APOOL: variants seen among roughly 807,000 people sequenced by gnomAD.
The protein encoded by APOOL is apolipoprotein O like.
In APOOL, 12 loss-of-function variants were observed where a neutral mutation model predicts 23.1. That is an observed-to-expected ratio of 0.52 (90% CI 0.33 to 0.84). The LOEUF is 0.84. APOOL is among the 40% of genes least tolerant of loss of function. The pLI, the probability that APOOL is intolerant of heterozygous loss-of-function variation, is 0.02. For missense variants in APOOL, 212 were observed against 199.6 expected, an observed-to-expected ratio of 1.06 and a Z score of -0.37; for synonymous variants, 77 against 69.9, an observed-to-expected ratio of 1.10 and a Z score of -0.51.
intron 8 of APOOL, among the ~76,000 whole-genome samples, chrX:85,087,115 A>G (rs1230652308): frequency 9.0e-6 from 1 of 110,684 alleles, no homozygotes; most frequent in Non-Finnish European, 1.9e-5. Flanking sequence ...CTAGCTTTCC[A>G]TTGTCTTTTT....
chrX:85,066,405 A>G (rs1159766576), intron 5 of APOOL, among the ~76,000 whole-genome samples: 1 of 111,503 alleles, frequency 9.0e-6, no homozygotes, highest in Non-Finnish European at 1.9e-5. Context: ...AGGGTTTGAT[A>G]CAGAGCTTCC....
rs1470816133 is a variant in APOOL, at chrX:85,090,247, G to C, written c.*2569G>C. ...ATGCTTTCTTAGAATCTCCTCAGAA[G>C]ACCTCTGTGTATATCTCAACCAGTA... On this transcript the variant is annotated 3_prime_UTR_variant, in exon 9 of 9. Coordinates refer to ENST00000373173, the MANE Select transcript of APOOL (RefSeq NM_198450.6). The C allele has an allele frequency of 4.5e-5, 5 of 111,519 alleles. No homozygotes were observed. The highest frequency in any genetic ancestry group is 9.4e-5 in the Non-Finnish European group (5 of 53,145). 9.2% of individuals were successfully genotyped at this position (111,519 alleles called of 1,213,427 possible).
chrX:85,061,753 C>G (rs1349882575), intron 5 of APOOL, among the ~76,000 whole-genome samples: 3 of 111,538 alleles, frequency 2.7e-5, no homozygotes, highest in Non-Finnish European at 3.8e-5. Flanking sequence ...TTTATTGTGT[C>G]TATTTGATTC....
At chrX:85,054,561 T>G (rs907244367) in intron 4 of APOOL, among the ~76,000 whole-genome samples, 163 bp downstream of exon 4, 14 of 111,479 alleles carry the variant, frequency 1.3e-4, no homozygotes, top group African/African-American at 4.2e-4. Context: ...ATTTGTTGAT[T>G]ATTGATTAAT....
chrX:85,067,055 CA>C (rs1475816295), intron 5 of APOOL, 71 bp from the exon 6 acceptor site: 1 of 653,891 alleles, frequency 1.5e-6, no homozygotes, highest in Non-Finnish European at 2.3e-6. Context: ...GCAAAGAAAG[CA>C]TTACGGTATA....
chrX:85,038,524 GTTTTTTTTTTTTTT>G (rs56248244), intron 1 of APOOL, among the ~76,000 whole-genome samples: 4 of 43,432 alleles, frequency 9.2e-5, no homozygotes, highest in Admixed American at 8.9e-4. Context: ...TCTGGTACAA[GTTTTTTTTTTTTTT>G]TTTTTTTTTT....
rs1427312462 is a variant in APOOL, at chrX:85,088,005, T to C, written c.*327T>C. ...AAATCTAAAAATACATATATATATA[T>C]GTATGTATAAATACATACATATTTA... On this transcript the variant is annotated 3_prime_UTR_variant, in exon 9 of 9. Transcript: ENST00000373173. The C allele has an allele frequency of 9.3e-6, 1 of 107,233 alleles. No homozygotes were observed. The highest frequency in any genetic ancestry group is 1.0e-4 in the Admixed American group (1 of 9,755). The allele number at this position is 107,233 out of a possible 1,213,427, so 8.8% of individuals were successfully genotyped here.
intron 1 of APOOL, among the ~76,000 whole-genome samples, chrX:85,005,450 C>T (rs1921042881): frequency 4.0e-5 from 1 of 25,151 alleles, no homozygotes; most frequent in African/African-American, 1.5e-4. Context: ...TGAGCCACCA[C>T]GCCCGGTCCT....
At chrX:85,071,451 T>C (rs1317881452) in intron 6 of APOOL, among the ~76,000 whole-genome samples, 1 of 110,945 alleles carries the variant, frequency 9.0e-6, no homozygotes, top group African/African-American at 3.3e-5. Flanking sequence ...ATTTTTTTTT[T>C]CCAAGAAATA....
intron 5 of APOOL, among the ~76,000 whole-genome samples, chrX:85,063,744 A>T (rs994999910): frequency 1.8e-5 from 2 of 110,986 alleles, no homozygotes; most frequent in South Asian, 7.6e-4. Context: ...AAGATTTTTG[A>T]TGTGCTTCTG....
At chrX:85,054,913 T>A (rs955270171) in intron 4 of APOOL, among the ~76,000 whole-genome samples, 4 of 112,029 alleles carry the variant, frequency 3.6e-5, no homozygotes, top group African/African-American at 1.3e-4. Flanking sequence ...CTAGGAAATG[T>A]TATAGCAATC....
chrX:85,068,702 G>A (rs948550004), intron 6 of APOOL, among the ~76,000 whole-genome samples: 10 of 111,145 alleles, frequency 9.0e-5, no homozygotes, highest in Admixed American at 2.9e-4. Context: ...CACCGTGCCC[G>A]GCCCTGATTC....
intron 1 of APOOL, among the ~76,000 whole-genome samples, chrX:85,027,753 A>G (rs1256501795): frequency 8.9e-6 from 1 of 112,070 alleles, no homozygotes; most frequent in African/African-American, 3.2e-5. Context: ...CTTCTTACCA[A>G]GTTCTATAGA....
chrX:85,015,370 G>A (rs547125731), intron 1 of APOOL, among the ~76,000 whole-genome samples: 5 of 110,263 alleles, frequency 4.5e-5, no homozygotes, highest in African/African-American at 1.6e-4. Flanking sequence ...TGGGGAGCTC[G>A]TGTGATTATT....
intron 5 of APOOL, among the ~76,000 whole-genome samples, chrX:85,063,606 C>T (rs756061678): frequency 7.2e-5 from 8 of 111,336 alleles, no homozygotes; most frequent in African/African-American, 2.3e-4. Flanking sequence ...GCCTTTTCTG[C>T]GTCTATTCAG....
chrX:85,058,484 T>A (rs922867507), intron 5 of APOOL, among the ~76,000 whole-genome samples: 2 of 111,721 alleles, frequency 1.8e-5, no homozygotes, highest in Non-Finnish European at 3.8e-5. Flanking sequence ...TTGATGGACA[T>A]TTGGGTTGAT....
At position 85,087,645 on chromosome X, in the gene APOOL, A is replaced by G. The variant is rs1227998245; in HGVS notation, c.774A>G (p.Pro258=). 2 of 1,197,517 alleles carry G rather than the reference A, an allele frequency of 1.7e-6. No individual in the cohort carries two copies. Among genetic ancestry groups the G allele is most frequent in the South Asian group, 3.7e-5 (2 of 54,397 alleles). The part of the protein sequence containing the change: ...PKLMDHGQSH[P]EDIDMYSTRS The stretch of plus-strand genomic sequence containing the variant: ...TCATGGATCACGGGCAGTCCCACCC[A>G]GAAGATATAGATATGTACAGCACTA... Residue 258 remains proline, a synonymous_variant, in exon 9 of 9, where the codon CCA becomes CCG. Coordinates refer to ENST00000373173, the MANE Select transcript of APOOL (RefSeq NM_198450.6).
Position 85,092,355 on chromosome X carries a change from G to A in APOOL, c.*4677G>A. The A allele has an allele frequency of 8.8e-7, 1 of 1,141,025 alleles. No individual in the cohort carries two copies. Among genetic ancestry groups the A allele is most frequent in the Non-Finnish European group, 1.2e-6 (1 of 860,435 alleles). The allele number at this position is 1,141,025 out of a possible 1,213,427, so 94.0% of individuals were successfully genotyped here. ...AGACTCAGGTGACAGTCAAATGTTG[G>A]AGGCTGTGTTGGGATGAGTTGTTAC... On this transcript the variant is annotated 3_prime_UTR_variant, in exon 9 of 9. Coordinates refer to ENST00000373173, the MANE Select transcript of APOOL (RefSeq NM_198450.6).
chrX:85,014,389 T>C (rs1000573458), intron 1 of APOOL, among the ~76,000 whole-genome samples: 1 of 111,242 alleles, frequency 9.0e-6, no homozygotes, highest in African/African-American at 3.3e-5. Flanking sequence ...TTTTTTAAAT[T>C]GCATTATTGT....
Sources: allele counts gnomAD v4.1 joint callset (sites outside exome capture counted in the v4.1 genomes callset), GRCh38; gene constraint gnomAD v4.1.1; transcripts MANE v1.5; gene names NCBI Gene and HGNC (gene_info 2026-07-23, HGNC 2026-07-21).